ADIPOR2: variants seen among roughly 807,000 people sequenced by gnomAD.
The protein encoded by ADIPOR2 is adiponectin receptor protein 2.
ADIPOR2 carries 18 observed loss-of-function variants against 40.9 expected under a neutral mutation model. That is an observed-to-expected ratio of 0.44 (90% CI 0.30 to 0.65). The LOEUF is 0.65. ADIPOR2 is among the 30% of genes least tolerant of loss of function. ADIPOR2 has a pLI of 0.09. For missense variants in ADIPOR2, 283 were observed against 479.2 expected (o/e 0.59, Z 3.82); for synonymous variants, 165 against 166.4 (o/e 0.99, Z 0.06).
intron 2 of ADIPOR2, among the ~76,000 whole-genome samples, chr12:1,759,888 G>C (rs1334309832): frequency 2.6e-5 from 4 of 152,040 alleles, no homozygotes; most frequent in African/African-American, 4.8e-5. Flanking sequence ...AGCTGGGTGT[G>C]GTGGCAGGCA....
intron 1 of ADIPOR2, among the ~76,000 whole-genome samples, chr12:1,723,704 A>C (rs1407294818): frequency 6.6e-6 from 1 of 152,050 alleles, no homozygotes; most frequent in East Asian, 1.9e-4. Flanking sequence ...AAAAAACTGC[A>C]AAAAAGCCAA....
chr12:1,757,974 G>T, intron 2 of ADIPOR2: 4 of 1,055,540 alleles, frequency 3.8e-6, no homozygotes, highest in Non-Finnish European at 5.9e-6. Context: ...CTTTGGAGCT[G>T]CTGCCCACTT....
chr12:1,776,516 C>A (rs1303368596), intron 3 of ADIPOR2, among the ~76,000 whole-genome samples: 3 of 152,288 alleles, frequency 2.0e-5, no homozygotes, highest in East Asian at 3.9e-4. Context: ...TTCCTTACAT[C>A]TTTCTGTCTA....
Position 1,784,063 on chromosome 12 carries a change from G to A in ADIPOR2, c.1022G>A (p.Cys341Tyr). 6.3e-7 allele frequency: 1 copy of A among 1,593,378 alleles called. No individual in the cohort carries two copies. The highest frequency in any genetic ancestry group is 8.6e-7 in the Non-Finnish European group (1 of 1,167,440). ...CCCGAACGCTTTTTCCCTGGCAAATGTGACATCTGGGTAAGTATGTCGGGG... is the reference window on the plus strand; with the variant it reads ...CCCGAACGCTTTTTCCCTGGCAAATATGACATCTGGGTAAGTATGTCGGGG... ...RIPERFFPGK[C>Y]DIWFHSHQLF... is the part of the protein sequence containing the mutation. The change falls in exon 7 of 8, where the codon TGT (cysteine) becomes TAT (tyrosine). Residue 341 changes from cysteine (C) to tyrosine (Y), a missense_variant. By Grantham distance (194) the Cys-to-Tyr change is radical. Coordinates refer to ENST00000357103, the MANE Select transcript of ADIPOR2 (RefSeq NM_024551.3).
At chr12:1,722,833 GAAGTT>G (rs1234615219) in intron 1 of ADIPOR2, among the ~76,000 whole-genome samples, 1 of 152,216 alleles carries the variant, frequency 6.6e-6, no homozygotes, top group Non-Finnish European at 1.5e-5. Context: ...TTAGTTTAGG[GAAGTT>G]AAGTGACAGT....
At chr12:1,771,392 TAA>T (rs761395094) in intron 2 of ADIPOR2, among the ~76,000 whole-genome samples, 8 of 128,372 alleles carry the variant, frequency 6.2e-5, no homozygotes, top group African/African-American at 1.4e-4. Context: ...TGTCTCAAAC[TAA>T]AAAAAAAAAA....
In ADIPOR2 at chr12:1,787,995, G is replaced by T. The variant is rs1031533059; in HGVS notation, c.*1923G>T. 6.5e-6 allele frequency: 1 copy of T among 152,702 alleles called. No individual in the cohort carries two copies. Among genetic ancestry groups the T allele is most frequent in the African/African-American group, 2.4e-5 (1 of 41,462 alleles). 9.5% of individuals were successfully genotyped at this position (152,702 alleles called of 1,614,324 possible). ...AATCCCTTTGAGAAAGCATAGTCCAGCAGGACAGTGGCCATTTGGACAGAA... is the reference window on the plus strand; with the variant it reads ...AATCCCTTTGAGAAAGCATAGTCCATCAGGACAGTGGCCATTTGGACAGAA... On this transcript the variant is annotated 3_prime_UTR_variant, in exon 8 of 8. Coordinates refer to ENST00000357103, the MANE Select transcript of ADIPOR2 (RefSeq NM_024551.3).
chr12:1,752,641 T>C (rs1023575593), intron 1 of ADIPOR2, among the ~76,000 whole-genome samples: 2 of 152,176 alleles, frequency 1.3e-5, no homozygotes, highest in Non-Finnish European at 2.9e-5. Context: ...TGACCTTGAA[T>C]AAGTTATCCA....
chr12:1,772,144 C>T (rs1862504543), intron 2 of ADIPOR2, among the ~76,000 whole-genome samples: 1 of 152,266 alleles, frequency 6.6e-6, no homozygotes, highest in Non-Finnish European at 1.5e-5. Context: ...CTCTTTAGAC[C>T]ATACCAGATT....
intron 1 of ADIPOR2, among the ~76,000 whole-genome samples, chr12:1,717,902 A>G (rs1000057927): frequency 6.6e-6 from 1 of 152,176 alleles, no homozygotes; most frequent in Non-Finnish European, 1.5e-5. Flanking sequence ...GAATAAACAT[A>G]TAATAAGTAT....
At chr12:1,754,765 G>A (rs183702480) in intron 2 of ADIPOR2, among the ~76,000 whole-genome samples, 36 of 150,828 alleles carry the variant, frequency 2.4e-4, no homozygotes, top group African/African-American at 6.6e-4. Context: ...ACGGAGTCTC[G>A]CTCTGTCACC....
intron 1 of ADIPOR2, among the ~76,000 whole-genome samples, chr12:1,734,153 A>G (rs1356330754): frequency 6.6e-6 from 1 of 152,142 alleles, no homozygotes; most frequent in Non-Finnish European, 1.5e-5. Context: ...GTCAAATGGT[A>G]TTTCTAGTTC....
At chr12:1,704,297 T>C (rs747038785) in intron 1 of ADIPOR2, among the ~76,000 whole-genome samples, 1 of 152,160 alleles carries the variant, frequency 6.6e-6, no homozygotes, top group Non-Finnish European at 1.5e-5. Context: ...GATTGGTGGA[T>C]GACTTGATCC....
chr12:1,767,073 C>T (rs1007180549), intron 2 of ADIPOR2, among the ~76,000 whole-genome samples: 2 of 151,826 alleles, frequency 1.3e-5, no homozygotes, highest in African/African-American at 4.8e-5. Flanking sequence ...AGTTCGAGAC[C>T]AGCCTGGCCA....
At position 1,754,375 on chromosome 12, in the gene ADIPOR2, G is replaced by A; in HGVS notation, c.32G>A (p.Cys11Tyr). ...GAGCCAACAGAAAACCGATTGGGGT[G>A]CAGCAGGACTCCAGAGCCAGATATA... Reference protein sequence around the residue: MNEPTENRLGCSRTPEPDIRL... With the variant: MNEPTENRLGYSRTPEPDIRL... The change falls in exon 2 of 8, where the codon TGC becomes TAC. Residue 11 changes from cysteine to tyrosine, a missense_variant. Physicochemically the swap from Cys to Tyr is radical, Grantham distance 194. Around this residue, in one of 3 missense-constraint regions of ADIPOR2, gnomAD observed 65 missense variants for 79.9 expected, o/e 0.81. Coordinates refer to ENST00000357103, the MANE Select transcript of ADIPOR2 (RefSeq NM_024551.3). The A allele has an allele frequency of 6.2e-7, 1 of 1,611,000 alleles. No individual in the cohort carries two copies. Among genetic ancestry groups the A allele is most frequent in the East Asian group, 2.2e-5 (1 of 44,752 alleles).
At chr12:1,711,728 C>G (rs1270301555) in intron 1 of ADIPOR2, among the ~76,000 whole-genome samples, 1 of 151,968 alleles carries the variant, frequency 6.6e-6, no homozygotes, top group South Asian at 2.1e-4. Flanking sequence ...TCCTCTCTCT[C>G]TCTTTCCTCT....
chr12:1,777,633 G>A (rs558873091), intron 3 of ADIPOR2, among the ~76,000 whole-genome samples: 60 of 151,814 alleles, frequency 4.0e-4, no homozygotes, highest in African/African-American at 1.1e-3. Context: ...CAGAGTGCTG[G>A]GATTAAAGCC....
chr12:1,769,095 T>C (rs1246797278), intron 2 of ADIPOR2, among the ~76,000 whole-genome samples: 1 of 152,228 alleles, frequency 6.6e-6, no homozygotes, highest in Non-Finnish European at 1.5e-5. Flanking sequence ...GAGAGGTATC[T>C]TTGGGTACTG....
At chr12:1,757,795 C>T (rs2154443652) in intron 2 of ADIPOR2, 1 of 910,732 alleles carries the variant, frequency 1.1e-6, no homozygotes. Context: ...TCGGACCTTG[C>T]CATCGATCTT....
Sources: gnomAD v4.1 joint callset for allele counts (sites outside exome capture counted in the v4.1 genomes callset) on GRCh38, gnomAD v4.1.1 for gene constraint, gnomAD v4.1.1 regional missense constraint, MANE v1.5 for transcripts, NCBI Gene and HGNC (gene_info 2026-07-23, HGNC 2026-07-21) for gene names.